The following HDAC4 variants were observed in gnomAD, a reference collection of about 807,000 sequenced individuals.
HDAC4 encodes histone deacetylase 4.
In HDAC4, 16 loss-of-function variants were observed where a neutral mutation model predicts 135.1. The ratio of observed to expected loss-of-function variants is 0.12; its 90% CI spans 0.08 to 0.18. HDAC4 has a LOEUF of 0.18. HDAC4 is among the 10% of genes least tolerant of loss of function. The pLI is 1.00. For synonymous variants in HDAC4, 685 were observed against 653.4 expected, an observed-to-expected ratio of 1.05 and a Z score of -0.74; for missense variants, 1,143 against 1,511.8, an observed-to-expected ratio of 0.76 and a Z score of 4.05.
At chr2:239,121,485 C>A (rs1394356788) in intron 12 of HDAC4, among the ~76,000 whole-genome samples, 1 of 152,194 alleles carries the variant, frequency 6.6e-6, no homozygotes, top group African/African-American at 2.4e-5. Context: ...CCCCACTGTT[C>A]CAAGGGCTCT....
At chr2:239,120,998 TTC>T (rs1278948035) in intron 12 of HDAC4, among the ~76,000 whole-genome samples, 5 of 74,130 alleles carry the variant, frequency 6.7e-5, no homozygotes, top group Non-Finnish European at 1.3e-4. Flanking sequence ...TCCTTTAAAT[TTC>T]TTTTTTTTTT....
intron 2 of HDAC4, among the ~76,000 whole-genome samples, chr2:239,301,843 G>A (rs77491289): frequency 0.022 from 3,290 of 152,158 alleles, 113 homozygotes; most frequent in African/African-American, 0.074. Flanking sequence ...ATGCTACTGC[G>A]GTGTGATTCC....
At chr2:239,341,163 A>C (rs967447542) in intron 2 of HDAC4, among the ~76,000 whole-genome samples, 1 of 152,246 alleles carries the variant, frequency 6.6e-6, no homozygotes, top group African/African-American at 2.4e-5. Flanking sequence ...CCACTAGTAC[A>C]TCAGAAAGAA....
chr2:239,198,829 G>A (rs2045571462), intron 3 of HDAC4, among the ~76,000 whole-genome samples: 1 of 152,122 alleles, frequency 6.6e-6, no homozygotes. Flanking sequence ...ATGAAGAATA[G>A]TGTAATCAAG....
intron 1 of HDAC4, among the ~76,000 whole-genome samples, chr2:239,357,901 AAAAAAAAAAAAAAAAAG>A (rs1407234500): frequency 6.1e-5 from 7 of 115,000 alleles, no homozygotes; most frequent in Non-Finnish European, 1.4e-4. Context: ...AAAAAAAAAA[AAAAAAAAAAAAAAAAAG>A]AGAGTGGGAA....
rs564814058 is a variant in HDAC4 at position 239,284,302 on chromosome 2, G to A, written c.23-47638C>T. The stretch of plus-strand genomic sequence containing the variant: ...TCTGATGAATGTGGTTTGGGATGCT[G>A]GGTGAGGGACAGAGGGAGCGGGCCA... On this transcript the variant is annotated intron_variant, in intron 2 of 26. Coordinates refer to ENST00000543185, the MANE Select transcript of HDAC4 (RefSeq NM_001378414.1). Among the ~76,000 whole-genome samples, 145 of 152,354 alleles carry A rather than the reference G, an allele frequency of 9.5e-4. 1 individual carries two copies. The highest frequency in any genetic ancestry group is 1.9e-4 in the Non-Finnish European group (13 of 68,034).
intron 2 of HDAC4, among the ~76,000 whole-genome samples, chr2:239,237,034 T>C (rs892992413): frequency 2.6e-5 from 4 of 152,140 alleles, no homozygotes; most frequent in Admixed American, 1.3e-4. Flanking sequence ...TCTTCTCAGA[T>C]AGTGACAAAC....
chr2:239,142,250 C>A (rs1444968871), intron 8 of HDAC4, among the ~76,000 whole-genome samples: 1 of 152,142 alleles, frequency 6.6e-6, no homozygotes, highest in Admixed American at 6.5e-5. Flanking sequence ...CTCTTTCTGC[C>A]AAGAACCGCG....
At chr2:239,084,037 T>C in intron 20 of HDAC4, 118 bp downstream of exon 20, 1 of 755,376 alleles carries the variant, frequency 1.3e-6, no homozygotes, top group Non-Finnish European at 2.3e-6. Context: ...TGAGACCGTT[T>C]CCAGAAACCT....
chr2:239,340,403 G>T (rs1324768979), intron 2 of HDAC4, among the ~76,000 whole-genome samples: 1 of 152,204 alleles, frequency 6.6e-6, no homozygotes, highest in East Asian at 1.9e-4. Flanking sequence ...CCCAGTGGGG[G>T]CAGCCCCACT....
chr2:239,295,977 C>T (rs2051863020), intron 2 of HDAC4, among the ~76,000 whole-genome samples: 1 of 152,222 alleles, frequency 6.6e-6, no homozygotes, highest in Admixed American at 6.5e-5. Context: ...AGCTACCAGG[C>T]AATGGGCGCA....
rs543415016 is a variant in HDAC4 at position 239,163,450 on chromosome 2, C to T, written c.611+353G>A. ...ACCGTGTGAGTGGACCCCCAGACCA[C>T]GTCACTCTGGAGGGGGGCCCACCCC... On this transcript the variant is annotated intron_variant, in intron 6 of 26. Transcript: ENST00000543185. 1.7e-4 allele frequency among the ~76,000 whole-genome samples: 26 copies of T among 152,030 alleles called. 1 individual carries two copies. In the South Asian group the frequency reaches 2.5e-3, roughly 15 times the overall value.
At position 239,369,033 on chromosome 2, in the gene HDAC4, G is replaced by A. The variant is rs376308643; in HGVS notation, c.-219-16115C>T. Among the ~76,000 whole-genome samples, 14 of 152,168 alleles carry A rather than the reference G, an allele frequency of 9.2e-5. No individual in the cohort carries two copies. The East Asian group carries it at 2.5e-3, about 27-fold the overall frequency. ...ACACCACTCCCCTGGTGACCCCAGG[G>A]AAGCTGCAGGAAGGTGACAAAGGAC... On this transcript the variant is annotated intron_variant, in intron 1 of 26. Transcript: ENST00000543185.
chr2:239,157,220 C>A (rs2042479661), intron 6 of HDAC4, among the ~76,000 whole-genome samples: 1 of 152,214 alleles, frequency 6.6e-6, no homozygotes, highest in Non-Finnish European at 1.5e-5. Flanking sequence ...GGGCAAAAAA[C>A]GGTCTAAGAA....
chr2:239,164,280 C>T (rs1349112949), intron 5 of HDAC4, among the ~76,000 whole-genome samples: 2 of 152,202 alleles, frequency 1.3e-5, no homozygotes, highest in Non-Finnish European at 2.9e-5. Flanking sequence ...CTTGCTACCG[C>T]AAAGCAGAAT....
At chr2:239,374,386 C>CGCTTT (rs1694847282) in intron 1 of HDAC4, among the ~76,000 whole-genome samples, 4 of 56,668 alleles carry the variant, frequency 7.1e-5, no homozygotes, top group African/African-American at 3.1e-4. Context: ...GAAAACAAGG[C>CGCTTT]TTTTTTTTTT....
In HDAC4 at chr2:239,049,791, G is replaced by A. The variant is rs1254290149; in HGVS notation, c.*3306C>T. On this transcript the variant is annotated 3_prime_UTR_variant, in exon 27 of 27. Coordinates refer to ENST00000543185, the MANE Select transcript of HDAC4 (RefSeq NM_001378414.1). ...GGGGCGGCCAGTCCCAGCGGGCCAC[G>A]GCCTCCGGGACAGCCGCCTGCTGGT... The A allele has an allele frequency of 6.6e-6, 1 of 152,276 alleles. No homozygotes were observed. Among genetic ancestry groups the A allele is most frequent in the Non-Finnish European group, 1.5e-5 (1 of 68,036 alleles). The allele number at this position is 152,276 out of a possible 1,614,324, so 9.4% of individuals were successfully genotyped here. A position where few individuals can be genotyped will look rare whatever the true frequency, so the allele number is the denominator to read the frequency against.
At chr2:239,053,202 G>C in intron 26 of HDAC4, 66 bp from the exon 27 acceptor site, 1 of 1,593,632 alleles carries the variant, frequency 6.3e-7, no homozygotes, top group Non-Finnish European at 8.6e-7. Flanking sequence ...GGAGAGAACA[G>C]AACGTGGGTT....
chr2:239,155,958 G>A (rs923158300), intron 7 of HDAC4, among the ~76,000 whole-genome samples: 5 of 152,134 alleles, frequency 3.3e-5, no homozygotes, highest in South Asian at 2.1e-4. Flanking sequence ...CTACCCCAGC[G>A]CACTGCCCAC....
Sources: gnomAD v4.1 joint callset for allele counts (sites outside exome capture counted in the v4.1 genomes callset) on GRCh38, gnomAD v4.1.1 for gene constraint, MANE v1.5 for transcripts, NCBI Gene and HGNC (gene_info 2026-07-23, HGNC 2026-07-21) for gene names.